NAALADL2: variants seen among roughly 807,000 people sequenced by gnomAD.
The protein encoded by NAALADL2 is N-acetylated alpha-linked acidic dipeptidase like 2.
Under a neutral mutation model 87.2 loss-of-function variants are expected in NAALADL2, and 76 were observed. The ratio of observed to expected loss-of-function variants is 0.87; its 90% CI spans 0.72 to 1.05. The LOEUF (loss-of-function observed/expected upper bound fraction) is 1.05, where lower values mean the gene tolerates loss of function less well. NAALADL2 is among the 50% of genes least tolerant of loss of function. NAALADL2 has a pLI of 0.00. For missense variants in NAALADL2, 1,089 were observed against 945.8 expected, an observed-to-expected ratio of 1.15 and a Z score of -1.99; for synonymous variants, 354 against 331.0, an observed-to-expected ratio of 1.07 and a Z score of -0.75.
intron 5 of NAALADL2, among the ~76,000 whole-genome samples, chr3:175,371,780 T>G (rs1412248472): frequency 1.3e-5 from 2 of 150,938 alleles, no homozygotes; most frequent in African/African-American, 2.4e-5. Context: ...GCCAAGATCA[T>G]GCCACTGCCC....
Position 175,385,641 on chromosome 3 carries a change from G to A in NAALADL2, c.1090+61316G>A, listed in dbSNP as rs575180672. ...GAAGAGAATAATTCAAATATCTCTA[G>A]CATAAAGAAAAGATAAATATTTCAG... On this transcript the variant is annotated intron_variant, in intron 5 of 13. Transcript: ENST00000454872. 2.0e-5 allele frequency among the ~76,000 whole-genome samples: 3 copies of A among 152,122 alleles called. No individual in the cohort carries two copies. The South Asian group carries it at 6.2e-4, about 32-fold the overall frequency.
intron 13 of NAALADL2, among the ~76,000 whole-genome samples, chr3:175,783,104 T>C (rs1198531141): frequency 4.0e-5 from 6 of 151,872 alleles, no homozygotes; most frequent in Non-Finnish European, 5.9e-5. Context: ...TTTTGGTTAC[T>C]GTAGCCTTGT....
At chr3:174,922,475 G>T (rs1311758678) in intron 1 of NAALADL2, among the ~76,000 whole-genome samples, 1 of 152,026 alleles carries the variant, frequency 6.6e-6, no homozygotes, top group Admixed American at 6.6e-5. Context: ...AAATCTTCAA[G>T]ACCTGGAAAT....
chr3:174,803,417 C>T (rs1375861736), intron 3 of NAALADL2, among the ~76,000 whole-genome samples: 2 of 152,102 alleles, frequency 1.3e-5, no homozygotes, highest in Non-Finnish European at 2.9e-5. Context: ...TTCTCCCATT[C>T]TGTAGGTTGC....
At chr3:175,225,988 C>T (rs1419864022) in intron 2 of NAALADL2, among the ~76,000 whole-genome samples, 1 of 152,010 alleles carries the variant, frequency 6.6e-6, no homozygotes, top group African/African-American at 2.4e-5. Flanking sequence ...TTTCTGTGTG[C>T]TCTGGTTTTT....
chr3:174,984,796 T>C (rs1407801594), intron 1 of NAALADL2, among the ~76,000 whole-genome samples: 1 of 152,182 alleles, frequency 6.6e-6, no homozygotes, highest in Non-Finnish European at 1.5e-5. Context: ...GAAGATAGTT[T>C]GTTCAAGAAC....
At chr3:174,496,959 C>G (rs1430609491) in intron 1 of NAALADL2, among the ~76,000 whole-genome samples, 2 of 152,130 alleles carry the variant, frequency 1.3e-5, no homozygotes, top group Non-Finnish European at 2.9e-5. Context: ...CTTCTCTGTC[C>G]TAACCCCATA....
At chr3:175,640,628 A>G (rs367946100) in intron 11 of NAALADL2, among the ~76,000 whole-genome samples, 4 of 152,304 alleles carry the variant, frequency 2.6e-5, no homozygotes, top group Non-Finnish European at 1.5e-5. Flanking sequence ...ATTTATTTAC[A>G]GTATATAGAA....
chr3:175,782,784 C>T (rs1751335630), intron 13 of NAALADL2, among the ~76,000 whole-genome samples: 1 of 145,768 alleles, frequency 6.9e-6, no homozygotes. Flanking sequence ...CTTGCCCATG[C>T]CTATGTCCTG....
intron 1 of NAALADL2, among the ~76,000 whole-genome samples, chr3:174,511,502 G>A (rs1482931176): frequency 2.0e-5 from 3 of 151,614 alleles, no homozygotes; most frequent in South Asian, 2.1e-4. Flanking sequence ...TAGTGATTGC[G>A]TATTATTCAT....
chr3:175,240,571 G>A (rs1051835232), intron 3 of NAALADL2, among the ~76,000 whole-genome samples: 9 of 152,230 alleles, frequency 5.9e-5, no homozygotes, highest in African/African-American at 1.7e-4. Context: ...TGGAACTGTA[G>A]TACTTAAACT....
At chr3:174,543,086 A>G (rs1463449869) in intron 1 of NAALADL2, among the ~76,000 whole-genome samples, 2 of 152,152 alleles carry the variant, frequency 1.3e-5, no homozygotes, top group African/African-American at 4.8e-5. Flanking sequence ...ATAGTGCAAG[A>G]AGGAGACATT....
At chr3:174,521,807 A>G (rs1560028018) in intron 1 of NAALADL2, among the ~76,000 whole-genome samples, 1 of 152,026 alleles carries the variant, frequency 6.6e-6, no homozygotes, top group Non-Finnish European at 1.5e-5. Flanking sequence ...GAGGGGAATG[A>G]GGGTTGAAAA....
chr3:175,636,696 T>TAAAAAAAAAAAAAAAAAAAA (rs529189291), intron 11 of NAALADL2, among the ~76,000 whole-genome samples: 1 of 82,398 alleles, frequency 1.2e-5, no homozygotes, highest in Non-Finnish European at 2.4e-5. Context: ...AGACTCCATC[T>TAAAAAAAAAAAAAAAAAAAA]AAAAAAAAAA....
chr3:175,624,401 T>A (rs1726692347), intron 10 of NAALADL2, among the ~76,000 whole-genome samples: 2 of 152,072 alleles, frequency 1.3e-5, no homozygotes, highest in South Asian at 4.1e-4. Context: ...TTTTACTGCA[T>A]GGAATATTTA....
chr3:175,021,447 T>C (rs1348013730), intron 1 of NAALADL2, among the ~76,000 whole-genome samples: 1 of 152,060 alleles, frequency 6.6e-6, no homozygotes, highest in Admixed American at 6.6e-5. Context: ...ACCCAGGTCT[T>C]CAAATAGCTT....
At chr3:175,457,349 G>C (rs541114857) in intron 6 of NAALADL2, among the ~76,000 whole-genome samples, 12 of 152,032 alleles carry the variant, frequency 7.9e-5, no homozygotes, top group Non-Finnish European at 1.5e-4. Flanking sequence ...GGTGGTGGCC[G>C]CCAGGTCTCC....
At chr3:174,563,686 A>G (rs191943621) in intron 2 of NAALADL2, among the ~76,000 whole-genome samples, 6 of 152,118 alleles carry the variant, frequency 3.9e-5, no homozygotes, top group Admixed American at 3.9e-4. Context: ...TTATTTAACT[A>G]TGTGTTTTTA....
chr3:174,479,643 A>C (rs79500568), intron 1 of NAALADL2, among the ~76,000 whole-genome samples: 1 of 152,130 alleles, frequency 6.6e-6, no homozygotes, highest in Non-Finnish European at 1.5e-5. Flanking sequence ...TGTATTTTCT[A>C]GCATAAAGTT....
Sources: gnomAD v4.1 joint callset for allele counts (sites outside exome capture counted in the v4.1 genomes callset) on GRCh38, gnomAD v4.1.1 for gene constraint, MANE v1.5 for transcripts, NCBI Gene and HGNC (gene_info 2026-07-23, HGNC 2026-07-21) for gene names.